Variants in KLHL22 observed in about 807,000 individuals in gnomAD.
KLHL22 encodes the protein kelch like family member 22.
A neutral mutation model predicts 60.7 loss-of-function variants in KLHL22; 18 were observed. That is an observed-to-expected ratio of 0.30 (90% CI 0.20 to 0.44). The LOEUF is 0.44. Among genes scored for constraint, KLHL22 ranks in the 20% least tolerant of loss-of-function variants. KLHL22 has a pLI of 1.00. For synonymous variants in KLHL22, 355 were observed against 354.5 expected (o/e 1.00, Z -0.01); for missense variants, 596 against 852.3 (o/e 0.70, Z 3.74).
intron 6 of KLHL22, among the ~76,000 whole-genome samples, chr22:20,445,640 C>T (rs1031227457): frequency 2.0e-5 from 3 of 152,190 alleles, no homozygotes; most frequent in Non-Finnish European, 4.4e-5. Context: ...TGGGGAACAG[C>T]GGTGTGATCA....
At chr22:20,445,754 TTTG>T (rs144812370) in intron 6 of KLHL22, among the ~76,000 whole-genome samples, 6,027 of 151,822 alleles carry the variant, frequency 0.04, 407 homozygotes, top group African/African-American at 0.14. Flanking sequence ...ATCTAAAAGT[TTTG>T]TTGTTGTTTT....
intron 5 of KLHL22, among the ~76,000 whole-genome samples, chr22:20,455,163 G>C (rs2146192664): frequency 6.6e-6 from 1 of 152,300 alleles, no homozygotes; most frequent in South Asian, 2.1e-4. Context: ...GATTACAGAC[G>C]TGAGCCACCG....
intron 4 of KLHL22, among the ~76,000 whole-genome samples, chr22:20,463,856 G>A (rs2053190814): frequency 6.6e-6 from 1 of 152,170 alleles, no homozygotes; most frequent in Non-Finnish European, 1.5e-5. Context: ...TCTCCTCCTT[G>A]GCCAGGATCA....
In KLHL22 at chr22:20,465,035, G is replaced by A. The variant is rs774765494; in HGVS notation, c.935C>T (p.Thr312Ile). Residue 312 changes from threonine to isoleucine, a missense_variant, in exon 4 of 7, where the codon ACT becomes ATT. Thr to Ile is a moderately conservative substitution (Grantham distance 89, BLOSUM62 -1). Transcript: ENST00000328879. This position sits in a 1 kb window ranked among gnomAD's most constrained non-coding sequence, Gnocchi z 4.9. ...GFGGIHSTPS[T>I]VLSDQAKYLN... ...ATACTTGGCCTGGTCGCTGAGGACA[G>A]TGGACGGCGTGGAGTGAATGCCCCC... is the stretch of plus-strand genomic sequence containing the variant. 1 of 1,611,374 alleles carries A rather than the reference G, an allele frequency of 6.2e-7. No individual in the cohort carries two copies. The highest frequency in any genetic ancestry group is 1.1e-5 in the South Asian group (1 of 90,844).
At chr22:20,443,037 C>T (rs79391591) in intron 6 of KLHL22, among the ~76,000 whole-genome samples, 2 of 152,288 alleles carry the variant, frequency 1.3e-5, no homozygotes, top group Non-Finnish European at 2.9e-5. Flanking sequence ...ATTCAAGAAA[C>T]GCAAAATCAA....
At chr22:20,474,000 G>A (rs774390182) in intron 2 of KLHL22, among the ~76,000 whole-genome samples, 1 of 152,148 alleles carries the variant, frequency 6.6e-6, no homozygotes, top group Admixed American at 6.6e-5. Flanking sequence ...CATCTCACTT[G>A]GCTTTTTTCT....
In KLHL22 at chr22:20,489,310, G is replaced by A. The variant is rs539661798; in HGVS notation, c.-33-66C>T. On this transcript the variant is annotated intron_variant, in intron 1 of 6. Coordinates refer to ENST00000328879, the MANE Select transcript of KLHL22 (RefSeq NM_032775.4). ...GCATCAGCCCCACCACACACAGACT[G>A]GCCAGCTCTGTTGCTCCCCTTGCTC... 9.3e-6 allele frequency: 11 copies of A among 1,187,844 alleles called. No homozygotes were observed. In the African/African-American group the frequency reaches 1.4e-4, roughly 15 times the overall value. The allele number at this position is 1,187,844 out of a possible 1,614,324, so 73.6% of individuals were successfully genotyped here. A position where few individuals can be genotyped will look rare whatever the true frequency, so the allele number is the denominator to read the frequency against.
intron 2 of KLHL22, among the ~76,000 whole-genome samples, chr22:20,487,376 C>A (rs1429150354): frequency 4.0e-5 from 5 of 123,972 alleles, no homozygotes. Flanking sequence ...CACCACTACA[C>A]CCAGCTAATT....
chr22:20,469,563 G>T (rs1422223529), intron 3 of KLHL22, among the ~76,000 whole-genome samples: 1 of 152,112 alleles, frequency 6.6e-6, no homozygotes, highest in Non-Finnish European at 1.5e-5. Flanking sequence ...CTAAATAAAA[G>T]AACAGGGGGA....
chr22:20,475,662 G>A (rs571170114), intron 2 of KLHL22, among the ~76,000 whole-genome samples: 11 of 151,984 alleles, frequency 7.2e-5, no homozygotes, highest in African/African-American at 1.7e-4. Context: ...CCCGGGTTCA[G>A]GAGATTCTCC....
Position 20,489,118 on chromosome 22 carries a change from G to A in KLHL22, c.94C>T (p.His32Tyr), listed in dbSNP as rs770027358. The part of the protein sequence containing the change: ...CVNNTYRSAQ[H>Y]SQALLRGLLA... ...AGCCCTCGGAGCAGAGCCTGGGAGT[G>A]CTGTGCGCTGCGGTAGGTGTTGTTC... Residue 32 changes from histidine (H) to tyrosine (Y), a missense_variant, in exon 2 of 7, where the codon CAC becomes TAC. Coordinates refer to ENST00000328879, the MANE Select transcript of KLHL22 (RefSeq NM_032775.4). 6.2e-7 allele frequency: 1 copy of A among 1,614,156 alleles called. No individual in the cohort carries two copies. Among genetic ancestry groups the A allele is most frequent in the South Asian group, 1.1e-5 (1 of 91,088 alleles).
chr22:20,461,761 A>C (rs1200211142), intron 4 of KLHL22, among the ~76,000 whole-genome samples: 1 of 151,776 alleles, frequency 6.6e-6, no homozygotes, highest in Non-Finnish European at 1.5e-5. Flanking sequence ...TCAGGAGTTC[A>C]AGACCAACTT....
In KLHL22 at chr22:20,464,927, T is replaced by C. The variant is rs375145552; in HGVS notation, c.1043A>G (p.Asn348Ser). Residue 348 changes from asparagine to serine, a missense_variant, in exon 4 of 7, where the codon AAC becomes AGC. Coordinates refer to ENST00000328879, the MANE Select transcript of KLHL22 (RefSeq NM_032775.4). ...RMSNQGIAVL[N>S]NFVYLIGGDN... ...CCCTCCAATCAAGTATACGAAGTTG[T>C]TGAGCACCGCGATGCCCTGGTTGGA... The C allele has an allele frequency of 1.1e-4, 167 of 1,581,180 alleles. No homozygotes were observed. The highest frequency in any genetic ancestry group is 1.4e-4 in the Non-Finnish European group (159 of 1,165,920).
intron 2 of KLHL22, among the ~76,000 whole-genome samples, chr22:20,478,394 G>T (rs1272791769): frequency 6.6e-6 from 1 of 151,168 alleles, no homozygotes; most frequent in Non-Finnish European, 1.5e-5. Context: ...TAGAAGAGAT[G>T]GGGTTTCTCC....
At chr22:20,486,012 CA>C (rs1218607532) in intron 2 of KLHL22, among the ~76,000 whole-genome samples, 9 of 150,210 alleles carry the variant, frequency 6.0e-5, no homozygotes, top group South Asian at 2.1e-4. Context: ...ACTAAAAATA[CA>C]AAAAATTAGC....
intron 2 of KLHL22, among the ~76,000 whole-genome samples, chr22:20,480,993 G>A (rs1187378551): frequency 6.6e-6 from 1 of 151,574 alleles, no homozygotes; most frequent in Non-Finnish European, 1.5e-5. Context: ...CACCATGCCC[G>A]GCTAATTTTT....
chr22:20,450,611 T>G, intron 5 of KLHL22: 2 of 1,598,044 alleles, frequency 1.3e-6, no homozygotes, highest in Non-Finnish European at 1.7e-6. Flanking sequence ...TTTCCTGAAG[T>G]GGTACAGCAT....
At chr22:20,452,750 T>C (rs1004249871) in intron 5 of KLHL22, among the ~76,000 whole-genome samples, 35 of 152,204 alleles carry the variant, frequency 2.3e-4, no homozygotes, top group African/African-American at 8.2e-4. Flanking sequence ...CTTTCTTTGT[T>C]GAATCAAATA....
chr22:20,474,156 C>T (rs2053371435), intron 2 of KLHL22, among the ~76,000 whole-genome samples: 1 of 152,018 alleles, frequency 6.6e-6, no homozygotes, highest in African/African-American at 2.4e-5. Flanking sequence ...CCCCCCACCA[C>T]GCCCAGCTAA....
Sources: gnomAD v4.1 joint callset for allele counts (sites outside exome capture counted in the v4.1 genomes callset) on GRCh38, gnomAD v4.1.1 for gene constraint, Gnocchi (gnomAD v3.1) non-coding constraint, MANE v1.5 for transcripts, NCBI Gene and HGNC (gene_info 2026-07-23, HGNC 2026-07-21) for gene names.